The following RALYL variants were observed in gnomAD, a reference collection of about 807,000 sequenced individuals.
The protein encoded by RALYL is RNA-binding Raly-like protein.
In RALYL, 29 loss-of-function variants were observed where a neutral mutation model predicts 35.1. That is an observed-to-expected ratio of 0.83 (90% confidence interval 0.61 to 1.13). The LOEUF is 1.13. Among genes scored for constraint, RALYL ranks in the 50% most tolerant of loss-of-function variants. The pLI, the probability that RALYL is intolerant of heterozygous loss-of-function variation, is 0.00. For missense variants in RALYL, 359 were observed against 360.4 expected, an observed-to-expected ratio of 1.00 and a Z score of 0.03; for synonymous variants, 120 against 127.6, an observed-to-expected ratio of 0.94 and a Z score of 0.40.
intron 2 of RALYL, among the ~76,000 whole-genome samples, chr8:84,607,582 G>A (rs1202456518): frequency 2.0e-5 from 3 of 152,056 alleles, no homozygotes; most frequent in African/African-American, 7.2e-5. Flanking sequence ...TCAGTGTCTT[G>A]CTCCACTCTT....
chr8:84,859,655 G>C (rs1304399919), intron 5 of RALYL, among the ~76,000 whole-genome samples: 1 of 152,062 alleles, frequency 6.6e-6, no homozygotes, highest in Non-Finnish European at 1.5e-5. Flanking sequence ...TTCGAGACCA[G>C]GCTGGGCAAT....
rs72679368 is a variant in RALYL, at chr8:84,567,146, T to C, written c.256+37569T>C. Among the ~76,000 whole-genome samples, 285 of 151,970 alleles carry C rather than the reference T, an allele frequency of 1.9e-3. 1 individual carries two copies. The Middle Eastern group carries it at 0.034, about 18-fold the overall frequency. On this transcript the variant is annotated intron_variant, in intron 2 of 8. Coordinates refer to ENST00000521268, the MANE Select transcript of RALYL (RefSeq NM_173848.7). ...ATAAATTCTGATCATTAATCACTTA[T>C]CAGATATAATATGTGCAAATGATTT...
At chr8:84,242,741 T>C (rs1403138999) in intron 1 of RALYL, among the ~76,000 whole-genome samples, 1 of 152,172 alleles carries the variant, frequency 6.6e-6, no homozygotes, top group East Asian at 1.9e-4. Flanking sequence ...ATTAGGCTTT[T>C]TTCAGATGGA....
chr8:84,728,747 C>T (rs895102043), intron 2 of RALYL, among the ~76,000 whole-genome samples: 1 of 152,098 alleles, frequency 6.6e-6, no homozygotes, highest in African/African-American at 2.4e-5. Flanking sequence ...TTCCCCATTA[C>T]TTGTTTTTCT....
chr8:84,911,777 A>G (rs769505307), intron 8 of RALYL, among the ~76,000 whole-genome samples: 1 of 152,078 alleles, frequency 6.6e-6, no homozygotes, highest in Non-Finnish European at 1.5e-5. Flanking sequence ...CCTTGTGTTC[A>G]ATATTTTTCT....
At chr8:84,470,979 G>A (rs1174891668) in intron 1 of RALYL, among the ~76,000 whole-genome samples, 3 of 152,126 alleles carry the variant, frequency 2.0e-5, no homozygotes, top group Non-Finnish European at 2.9e-5. Context: ...ATTGGAACCT[G>A]TTATATATTA....
intron 2 of RALYL, among the ~76,000 whole-genome samples, chr8:84,718,764 A>T (rs998836576): frequency 8.1e-5 from 12 of 148,940 alleles, no homozygotes; most frequent in Non-Finnish European, 1.2e-4. Flanking sequence ...GACTCTGTTT[A>T]AAAAAAAAAG....
At chr8:84,534,016 T>A (rs1229211056) in intron 2 of RALYL, among the ~76,000 whole-genome samples, 1 of 152,244 alleles carries the variant, frequency 6.6e-6, no homozygotes, top group Non-Finnish European at 1.5e-5. Context: ...ATCATGTCAC[T>A]GTCTTTTAAA....
chr8:84,280,627 A>T (rs189711103), intron 1 of RALYL, among the ~76,000 whole-genome samples: 124 of 151,644 alleles, frequency 8.2e-4, no homozygotes, highest in African/African-American at 2.9e-3. Flanking sequence ...TCAACAAAAA[A>T]CTCAAAGACC....
rs565003524 is a variant in RALYL at position 84,286,409 on chromosome 8, T to C, written c.-24+101985T>C. 4.6e-5 allele frequency among the ~76,000 whole-genome samples: 7 copies of C among 152,308 alleles called. No homozygotes were observed. In the South Asian group the frequency reaches 1.4e-3, roughly 32 times the overall value. On this transcript the variant is annotated intron_variant, in intron 1 of 8. Transcript: ENST00000521268. ...AGAGAATGTTAGGGAGTGGAGTATA[T>C]ATGCAAAGAGCTATCATTTTTGTTA... is the stretch of plus-strand genomic sequence containing the variant.
At chr8:84,471,588 A>G (rs2133711110) in intron 1 of RALYL, among the ~76,000 whole-genome samples, 1 of 152,254 alleles carries the variant, frequency 6.6e-6, no homozygotes, top group South Asian at 2.1e-4. Flanking sequence ...AACAACAAGA[A>G]GACTGGTTTC....
At position 84,522,495 on chromosome 8, in the gene RALYL, C is replaced by T. The variant is rs559763711; in HGVS notation, c.-23-6804C>T. Among the ~76,000 whole-genome samples, 358 of 152,024 alleles carry T rather than the reference C, an allele frequency of 2.4e-3. 1 individual carries two copies. Among genetic ancestry groups the T allele is most frequent in the Middle Eastern group, 0.01 (3 of 294 alleles). ...CGATCTCCTGACCTCGTGATCCGCC[C>T]GCCTCGGCCTCCCAAAGTGCTGGGA... On this transcript the variant is annotated intron_variant, in intron 1 of 8. Transcript: ENST00000521268.
intron 1 of RALYL, among the ~76,000 whole-genome samples, chr8:84,313,916 C>T (rs1182358805): frequency 1.3e-5 from 2 of 152,112 alleles, no homozygotes; most frequent in African/African-American, 4.8e-5. Flanking sequence ...AGCAGTATCC[C>T]ACTATCCTGG....
chr8:84,789,616 G>A (rs1413884011), intron 3 of RALYL, among the ~76,000 whole-genome samples: 3 of 152,086 alleles, frequency 2.0e-5, no homozygotes, highest in Non-Finnish European at 2.9e-5. Context: ...CCAGTACTTC[G>A]GGAGGCTAAA....
intron 2 of RALYL, among the ~76,000 whole-genome samples, chr8:84,670,391 T>A (rs1832973795): frequency 6.6e-6 from 1 of 152,182 alleles, no homozygotes; most frequent in South Asian, 2.1e-4. Flanking sequence ...GAAAGAGAAA[T>A]GTCAGACATC....
chr8:84,602,968 G>C (rs915388719), intron 2 of RALYL, among the ~76,000 whole-genome samples: 3 of 152,072 alleles, frequency 2.0e-5, no homozygotes, highest in South Asian at 2.1e-4. Flanking sequence ...TGAGAGATGA[G>C]GATTTAGCAA....
chr8:84,184,998 A>C (rs762275744), intron 1 of RALYL: 5 of 1,613,914 alleles, frequency 3.1e-6, no homozygotes, highest in Non-Finnish European at 3.4e-6. Flanking sequence ...TCCTCTTCGC[A>C]ATGAGTAAAC....
intron 1 of RALYL, among the ~76,000 whole-genome samples, chr8:84,486,491 T>C (rs1035024267): frequency 6.6e-6 from 1 of 151,900 alleles, no homozygotes. Context: ...TACTCTGCTT[T>C]GCATATTCAT....
At chr8:84,821,907 T>G (rs1485185583) in intron 4 of RALYL, among the ~76,000 whole-genome samples, 1 of 152,134 alleles carries the variant, frequency 6.6e-6, no homozygotes, top group Non-Finnish European at 1.5e-5. Flanking sequence ...TGTTTCATGT[T>G]TTTAGAAATG....
Sources: allele counts gnomAD v4.1 joint callset (sites outside exome capture counted in the v4.1 genomes callset), GRCh38; gene constraint gnomAD v4.1.1; transcripts MANE v1.5; gene names NCBI Gene and HGNC (gene_info 2026-07-23, HGNC 2026-07-21).